TBCK: variants seen among roughly 807,000 people sequenced by gnomAD.
TBCK encodes the protein TBC domain-containing protein kinase-like protein.
TBCK carries 99 observed loss-of-function variants against 113.4 expected under a neutral mutation model. The ratio of observed to expected loss-of-function variants is 0.87; its 90% CI spans 0.74 to 1.03. TBCK has a LOEUF of 1.03. Among genes scored for constraint, TBCK ranks in the 50% least tolerant of loss-of-function variants. TBCK has a pLI of 0.00. For missense variants in TBCK, 1,045 were observed against 1,061.3 expected (o/e 0.98, Z 0.21); for synonymous variants, 369 against 370.8 (o/e 1.00, Z 0.05).
intron 25 of TBCK, among the ~76,000 whole-genome samples, chr4:106,093,432 G>A (rs2149514679): frequency 1.3e-5 from 2 of 152,282 alleles, no homozygotes; most frequent in East Asian, 3.9e-4. Context: ...GTGTGAATCT[G>A]GGAGATGGAG....
intron 22 of TBCK, among the ~76,000 whole-genome samples, chr4:106,171,594 C>T (rs1368737044): frequency 3.3e-5 from 5 of 151,730 alleles, no homozygotes; most frequent in Admixed American, 2.6e-4. Flanking sequence ...GAATAGAACA[C>T]ATCTCCTTAT....
chr4:106,097,198 G>A (rs975801048), intron 24 of TBCK, among the ~76,000 whole-genome samples: 4 of 152,056 alleles, frequency 2.6e-5, no homozygotes, highest in African/African-American at 9.7e-5. Context: ...AAAATATGAC[G>A]GCAACAGAGT....
At chr4:106,080,112 C>T (rs1332889058) in intron 25 of TBCK, among the ~76,000 whole-genome samples, 1 of 151,940 alleles carries the variant, frequency 6.6e-6, no homozygotes, top group African/African-American at 2.4e-5. Context: ...CTGCCCAAAG[C>T]AATCTACAGA....
intron 25 of TBCK, among the ~76,000 whole-genome samples, chr4:106,094,771 G>A (rs1324249103): frequency 6.6e-6 from 1 of 152,076 alleles, no homozygotes; most frequent in Non-Finnish European, 1.5e-5. Context: ...CTGTCTGCAG[G>A]GAGCAAGTTA....
At chr4:106,251,729 G>C (rs1026353342) in intron 6 of TBCK, 137 bp downstream of exon 6, 4 of 749,278 alleles carry the variant, frequency 5.3e-6, no homozygotes, top group African/African-American at 1.8e-5. Context: ...ACATGATTAA[G>C]TCAAATTAAG....
At chr4:106,180,629 C>T (rs756042868) in intron 22 of TBCK, among the ~76,000 whole-genome samples, 1 of 152,014 alleles carries the variant, frequency 6.6e-6, no homozygotes, top group Non-Finnish European at 1.5e-5. Context: ...GGGGAACATG[C>T]AGTATTTGGT....
At chr4:106,174,546 C>T (rs1052705437) in intron 22 of TBCK, among the ~76,000 whole-genome samples, 1 of 152,056 alleles carries the variant, frequency 6.6e-6, no homozygotes, top group African/African-American at 2.4e-5. Flanking sequence ...TATGAAATTT[C>T]ATGGTGATAT....
intron 25 of TBCK, among the ~76,000 whole-genome samples, chr4:106,050,030 T>C (rs985068741): frequency 2.6e-5 from 4 of 152,032 alleles, no homozygotes; most frequent in South Asian, 2.1e-4. Flanking sequence ...GCAAGTCACT[T>C]TGCACTAGAA....
chr4:106,123,242 A>G (rs1349601845), intron 23 of TBCK, among the ~76,000 whole-genome samples: 1 of 152,218 alleles, frequency 6.6e-6, no homozygotes, highest in Non-Finnish European at 1.5e-5. Flanking sequence ...ACAAACAGAG[A>G]GCCAAATCAT....
intron 24 of TBCK, among the ~76,000 whole-genome samples, chr4:106,114,932 T>C (rs1743316207): frequency 6.6e-6 from 1 of 152,180 alleles, no homozygotes; most frequent in Non-Finnish European, 1.5e-5. Context: ...AAAGAGTTTC[T>C]AGTATTGCTG....
chr4:106,302,210 T>A (rs1767017871), intron 2 of TBCK, among the ~76,000 whole-genome samples: 1 of 152,158 alleles, frequency 6.6e-6, no homozygotes, highest in African/African-American at 2.4e-5. Flanking sequence ...CAGAGAGGGC[T>A]GCTGAAATAC....
In TBCK at chr4:106,091,994, T is replaced by C. The variant is rs185792464; in HGVS notation, c.2571+3488A>G. Among the ~76,000 whole-genome samples, 498 of 152,226 alleles carry C rather than the reference T, an allele frequency of 3.3e-3. 3 individuals carry two copies. Among genetic ancestry groups the C allele is most frequent in the Middle Eastern group, 0.014 (4 of 294 alleles). ...AAAAGTTCTCCACCTCCCCACTAGA[T>C]TAGCTAGATACAGAGTGCTGATTGG... On this transcript the variant is annotated intron_variant, in intron 25 of 25. Coordinates refer to ENST00000394708, the MANE Select transcript of TBCK (RefSeq NM_001163435.3).
chr4:106,246,996 T>C (rs1760888881), intron 10 of TBCK, 143 bp downstream of exon 10: 1 of 859,386 alleles, frequency 1.2e-6, no homozygotes, highest in East Asian at 2.9e-5. Context: ...GTCAGTTATA[T>C]TTTAATCACT....
chr4:106,189,066 TATACACCATGCCA>T (rs1249296328), intron 22 of TBCK, among the ~76,000 whole-genome samples: 1 of 152,186 alleles, frequency 6.6e-6, no homozygotes, highest in African/African-American at 2.4e-5. Context: ...TTTCAGTGAC[TATACACCATGCCA>T]ATATAAACAA....
intron 8 of TBCK, 117 bp downstream of exon 8, chr4:106,248,804 T>C (rs1303639881): frequency 1.2e-5 from 9 of 761,686 alleles, no homozygotes; most frequent in African/African-American, 1.8e-5. Flanking sequence ...GCCTTTAACT[T>C]GGACTTCCTA....
chr4:106,221,903 C>T (rs998612857), intron 19 of TBCK, among the ~76,000 whole-genome samples: 1 of 151,970 alleles, frequency 6.6e-6, no homozygotes, highest in African/African-American at 2.4e-5. Context: ...ATCTGTACAC[C>T]AAATCCCCAT....
intron 19 of TBCK, among the ~76,000 whole-genome samples, chr4:106,220,282 G>A (rs1354106180): frequency 6.6e-6 from 1 of 152,148 alleles, no homozygotes; most frequent in Admixed American, 6.6e-5. Context: ...GGGTTCTTCA[G>A]GGGTTTCTGC....
At chr4:106,213,063 T>A (rs1756354312) in intron 19 of TBCK, among the ~76,000 whole-genome samples, 2 of 152,228 alleles carry the variant, frequency 1.3e-5, no homozygotes, top group South Asian at 4.1e-4. Context: ...TATCAGTTCA[T>A]TTCTTGAGTC....
chr4:106,085,835 C>G (rs537831484), intron 25 of TBCK, among the ~76,000 whole-genome samples: 25 of 152,280 alleles, frequency 1.6e-4, no homozygotes, highest in African/African-American at 4.8e-4. Flanking sequence ...ATTGAACAAC[C>G]TGTTCCTTAA....
Sources: allele counts gnomAD v4.1 joint callset (sites outside exome capture counted in the v4.1 genomes callset), GRCh38; gene constraint gnomAD v4.1.1; transcripts MANE v1.5; gene names NCBI Gene and HGNC (gene_info 2026-07-23, HGNC 2026-07-21).